Variants in ROBO2 observed in about 807,000 individuals in gnomAD.
The protein encoded by ROBO2 is roundabout guidance receptor 2.
ROBO2 carries 53 observed loss-of-function variants against 160.8 expected under a neutral mutation model. That is an observed-to-expected ratio of 0.33 (90% CI 0.26 to 0.41). The LOEUF (loss-of-function observed/expected upper bound fraction) is 0.41, where lower values mean the gene tolerates loss of function less well. Among genes scored for constraint, ROBO2 ranks in the 10% least tolerant of loss-of-function variants. The pLI, the probability that ROBO2 is intolerant of heterozygous loss-of-function variation, is 1.00. For missense variants in ROBO2, 1,577 were observed against 1,722.4 expected (o/e 0.92, Z 1.49); for synonymous variants, 664 against 611.7 (o/e 1.09, Z -1.26).
At chr3:76,498,313 G>A (rs1425904197) in intron 2 of ROBO2, among the ~76,000 whole-genome samples, 5 of 152,072 alleles carry the variant, frequency 3.3e-5, no homozygotes, top group Admixed American at 2.6e-4. Context: ...TAGGGTGTGG[G>A]GTTGGAGAGG....
intron 2 of ROBO2, among the ~76,000 whole-genome samples, chr3:77,201,727 T>C (rs1466486648): frequency 6.6e-6 from 1 of 152,206 alleles, no homozygotes; most frequent in East Asian, 1.9e-4. Context: ...ATTGTATTTG[T>C]TGCCTAAAAT....
At chr3:76,209,859 T>C (rs1007423740) in intron 2 of ROBO2, among the ~76,000 whole-genome samples, 6 of 152,158 alleles carry the variant, frequency 3.9e-5, no homozygotes, top group Non-Finnish European at 7.4e-5. Context: ...TTGAAGCATT[T>C]AGAATTTATC....
intron 2 of ROBO2, among the ~76,000 whole-genome samples, chr3:75,987,966 G>C (rs2107491486): frequency 6.7e-6 from 1 of 149,736 alleles, no homozygotes; most frequent in Middle Eastern, 3.4e-3. Flanking sequence ...ATTCATAACA[G>C]ATATTGGTCT....
chr3:76,882,114 CTGTGTG>C (rs925984437), intron 2 of ROBO2, among the ~76,000 whole-genome samples: 1 of 107,618 alleles, frequency 9.3e-6, no homozygotes, highest in Non-Finnish European at 2.0e-5. Flanking sequence ...GTGTGTGTGT[CTGTGTG>C]TGTGTCTTTT....
intron 2 of ROBO2, among the ~76,000 whole-genome samples, chr3:77,252,831 A>AAAATATATATATAT: frequency 4.0e-4 from 5 of 12,520 alleles, no homozygotes; most frequent in African/African-American, 6.3e-4. Flanking sequence ...AAAAAAAAAA[A>AAAATATATATATAT]ATATATATAT....
At chr3:77,344,388 G>A (rs2153453420) in intron 2 of ROBO2, among the ~76,000 whole-genome samples, 1 of 152,310 alleles carries the variant, frequency 6.6e-6, no homozygotes, top group Non-Finnish European at 1.5e-5. Context: ...TAATCCCCAA[G>A]GTGATGGTGT....
chr3:77,365,266 C>T (rs1263903258), intron 2 of ROBO2, among the ~76,000 whole-genome samples: 1 of 151,770 alleles, frequency 6.6e-6, no homozygotes, highest in Non-Finnish European at 1.5e-5. Context: ...ATGGAGTTTT[C>T]TTCTTGACTG....
At chr3:77,161,871 G>A (rs2078521097) in intron 2 of ROBO2, among the ~76,000 whole-genome samples, 3 of 151,270 alleles carry the variant, frequency 2.0e-5, no homozygotes, top group African/African-American at 7.3e-5. Context: ...TTCTTCTTCT[G>A]TACAGAAACA....
chr3:76,406,331 C>G (rs1369335293), intron 2 of ROBO2, among the ~76,000 whole-genome samples: 2 of 151,818 alleles, frequency 1.3e-5, no homozygotes, highest in Non-Finnish European at 2.9e-5. Context: ...GGAATGCTCT[C>G]TATGATGATA....
intron 2 of ROBO2, among the ~76,000 whole-genome samples, chr3:76,294,153 G>A (rs764396220): frequency 1.6e-4 from 24 of 152,138 alleles, no homozygotes; most frequent in Non-Finnish European, 3.2e-4. Flanking sequence ...GCCGGGAGTC[G>A]GGGAGACCAG....
At chr3:77,577,747 G>C in intron 15 of ROBO2, 133 bp downstream of exon 16, 2 of 1,140,350 alleles carry the variant, frequency 1.8e-6, no homozygotes, top group Non-Finnish European at 2.6e-6. Flanking sequence ...ATATTTCTGT[G>C]TGACAGAGAA....
At chr3:77,073,849 T>G (rs906097231) in intron 1 of ROBO2, among the ~76,000 whole-genome samples, 12 of 152,176 alleles carry the variant, frequency 7.9e-5, no homozygotes, top group African/African-American at 2.9e-4. Flanking sequence ...TTCTCTACCC[T>G]TGAACGTGGA....
intron 2 of ROBO2, among the ~76,000 whole-genome samples, chr3:75,960,697 CTA>C (rs1159799230): frequency 2.0e-5 from 3 of 151,670 alleles, no homozygotes; most frequent in Non-Finnish European, 4.4e-5. Context: ...GGCAAGTAAA[CTA>C]TATCACTAAG....
chr3:75,980,514 T>C (rs990686255), intron 2 of ROBO2, among the ~76,000 whole-genome samples: 2 of 151,560 alleles, frequency 1.3e-5, no homozygotes, highest in African/African-American at 4.8e-5. Context: ...TTACCTCAAA[T>C]CTTTTCATGC....
At chr3:76,609,641 A>T (rs935372601) in intron 2 of ROBO2, among the ~76,000 whole-genome samples, 1 of 152,128 alleles carries the variant, frequency 6.6e-6, no homozygotes, top group Admixed American at 6.5e-5. Context: ...GTTTTTCCCA[A>T]TATAAGATCC....
At chr3:77,481,070 T>C in intron 3 of ROBO2, 29 bp from the exon 4 acceptor site, 1 of 1,586,888 alleles carries the variant, frequency 6.3e-7, no homozygotes, top group Non-Finnish European at 8.7e-7. Context: ...TTTCTTCCCT[T>C]CTCTTTTCTT....
intron 2 of ROBO2, among the ~76,000 whole-genome samples, chr3:76,932,897 C>T: frequency 6.6e-6 from 1 of 151,950 alleles, no homozygotes; most frequent in African/African-American, 2.4e-5. Context: ...GAAGCTGCCC[C>T]CGCCCCGGCC....
At chr3:77,620,498 C>A (rs2094878997) in intron 22 of ROBO2, among the ~76,000 whole-genome samples, 1 of 152,190 alleles carries the variant, frequency 6.6e-6, no homozygotes, top group Non-Finnish European at 1.5e-5. Context: ...ATGTGCTCAT[C>A]TATCCTCAAG....
chr3:75,959,799 A>C (rs1233812689), intron 2 of ROBO2, among the ~76,000 whole-genome samples: 1 of 151,750 alleles, frequency 6.6e-6, no homozygotes, highest in Non-Finnish European at 1.5e-5. Flanking sequence ...AAAATTTACC[A>C]GGCAGAAATG....
Sources: gnomAD v4.1 joint callset for allele counts (sites outside exome capture counted in the v4.1 genomes callset) on GRCh38, gnomAD v4.1.1 for gene constraint, MANE v1.5 for transcripts, NCBI Gene and HGNC (gene_info 2026-07-23, HGNC 2026-07-21) for gene names.